SIPA1L3: variants seen among roughly 807,000 people sequenced by gnomAD.
SIPA1L3 encodes the protein signal-induced proliferation-associated 1-like protein 3.
In SIPA1L3, 59 loss-of-function variants were observed where a neutral mutation model predicts 150.1. The ratio of observed to expected loss-of-function variants is 0.39; its 90% CI spans 0.32 to 0.49. The LOEUF is 0.49. Among genes scored for constraint, SIPA1L3 ranks in the 20% least tolerant of loss-of-function variants. The probability of loss-of-function intolerance (pLI) is 0.86; values close to 1 mark genes in which losing one functional copy is unlikely to be tolerated. For missense variants in SIPA1L3, 2,211 were observed against 2,489.5 expected (o/e 0.89, Z 2.38); for synonymous variants, 1,070 against 1,077.6 (o/e 0.99, Z 0.14).
At chr19:37,947,627 C>T (rs2046724666) in intron 1 of SIPA1L3, among the ~76,000 whole-genome samples, 1 of 152,124 alleles carries the variant, frequency 6.6e-6, no homozygotes, top group Admixed American at 6.6e-5. Flanking sequence ...GTCAAGTTTA[C>T]CTTTCTAGTC....
intron 1 of SIPA1L3, among the ~76,000 whole-genome samples, chr19:37,955,612 T>C (rs2046803544): frequency 6.6e-6 from 1 of 152,186 alleles, no homozygotes; most frequent in African/African-American, 2.4e-5. Flanking sequence ...TTCAAATACA[T>C]GCAGTCATAC....
chr19:37,909,366 C>T (rs1313905330), intron 1 of SIPA1L3, among the ~76,000 whole-genome samples: 5 of 151,922 alleles, frequency 3.3e-5, no homozygotes, highest in South Asian at 2.1e-4. Context: ...CGCCACCACA[C>T]GTGGTTAGTT....
chr19:38,177,530 CA>C (rs944152954), intron 15 of SIPA1L3, among the ~76,000 whole-genome samples: 13 of 151,424 alleles, frequency 8.6e-5, no homozygotes, highest in Admixed American at 2.0e-4. Flanking sequence ...GAAAAAAGGA[CA>C]AAAAAAAGTA....
chr19:38,153,016 G>A, intron 13 of SIPA1L3, 49 bp downstream of exon 13: 2 of 1,589,618 alleles, frequency 1.3e-6, no homozygotes, highest in Non-Finnish European at 1.7e-6. Context: ...TCACTCCGCA[G>A]GACCTCTTAC....
chr19:38,161,322 C>T lies in SIPA1L3; in HGVS notation c.3662-931C>T, dbSNP rs561180253. 5.2e-5 allele frequency among the ~76,000 whole-genome samples: 6 copies of T among 116,244 alleles called. No homozygotes were observed. The East Asian group carries it at 1.6e-3, about 30-fold the overall frequency. The allele number at this position is 116,244 out of a possible 152,430, so 76.3% of individuals were successfully genotyped here. On this transcript the variant is annotated intron_variant, in intron 13 of 21. Coordinates refer to ENST00000222345, the MANE Select transcript of SIPA1L3 (RefSeq NM_015073.3). Reference sequence around the variant, plus strand: ...CACCACTGCGCTCTAGCCTGGGTGACAGAGCAAGACTCCGTCTCAAAAAAA... The same window carrying T: ...CACCACTGCGCTCTAGCCTGGGTGATAGAGCAAGACTCCGTCTCAAAAAAA...
intron 8 of SIPA1L3, among the ~76,000 whole-genome samples, chr19:38,118,034 T>G (rs1393251248): frequency 1.3e-5 from 2 of 152,182 alleles, no homozygotes; most frequent in Admixed American, 6.5e-5. Flanking sequence ...TGAACTTCCT[T>G]TATTAATTTT....
intron 2 of SIPA1L3, among the ~76,000 whole-genome samples, chr19:38,039,076 T>C (rs541394905): frequency 6.6e-6 from 1 of 152,146 alleles, no homozygotes; most frequent in East Asian, 1.9e-4. Flanking sequence ...AGAGACAAGC[T>C]TTCACCATGT....
Position 38,081,333 on chromosome 19 carries a change from C to T in SIPA1L3, c.-233C>T, listed in dbSNP as rs1969972679. The T allele has an allele frequency of 2.0e-6, 1 of 505,764 alleles. No homozygotes were observed. The allele number at this position is 505,764 out of a possible 1,614,324, so 31.3% of individuals were successfully genotyped here. ...CTGCCTGCTCTGCGCTACTGAGCCA[C>T]TCGGTCTGGAGCCCCCAGGACAGCA... On this transcript the variant is annotated 5_prime_UTR_variant, in exon 3 of 22. Transcript: ENST00000222345.
intron 19 of SIPA1L3, 34 bp downstream of exon 19, chr19:38,198,566 C>G (rs1170399471): frequency 6.8e-7 from 1 of 1,465,568 alleles, no homozygotes; most frequent in Admixed American, 2.5e-5. Context: ...GCCAGGCCCC[C>G]ACCCCGTCCT....
At chr19:38,076,331 G>C in intron 2 of SIPA1L3, among the ~76,000 whole-genome samples, 1 of 151,910 alleles carries the variant, frequency 6.6e-6, no homozygotes, top group Non-Finnish European at 1.5e-5. Context: ...CAAACACACT[G>C]CCAAGCCAAG....
intron 16 of SIPA1L3, chr19:38,185,559 C>G (rs1972659529): frequency 6.6e-6 from 1 of 152,010 alleles, no homozygotes; most frequent in Non-Finnish European, 1.5e-5. Flanking sequence ...AATGTATCAT[C>G]TCACAGTTGC....
Position 37,936,572 on chromosome 19 carries a change from G to A in SIPA1L3, c.-379+29214G>A, listed in dbSNP as rs145980822. ...TTACCTTGTGTAGAGGAACTGTTACGAATACTTTTCATAAGCCAACTCAGT... is the reference window on the plus strand; with the variant it reads ...TTACCTTGTGTAGAGGAACTGTTACAAATACTTTTCATAAGCCAACTCAGT... On this transcript the variant is annotated intron_variant, in intron 1 of 21. Transcript: ENST00000222345. 3.2e-4 allele frequency among the ~76,000 whole-genome samples: 48 copies of A among 152,298 alleles called. 1 individual carries two copies. The East Asian group carries it at 6.9e-3, about 22-fold the overall frequency.
At chr19:38,111,992 C>T (rs1970766754) in intron 8 of SIPA1L3, among the ~76,000 whole-genome samples, 1 of 149,116 alleles carries the variant, frequency 6.7e-6, no homozygotes, top group South Asian at 2.1e-4. Flanking sequence ...CACAGGCACA[C>T]ACCTGCACAC....
intron 7 of SIPA1L3, among the ~76,000 whole-genome samples, chr19:38,108,860 A>T (rs1040744428): frequency 6.6e-6 from 1 of 152,256 alleles, no homozygotes; most frequent in African/African-American, 2.4e-5. Flanking sequence ...GTGGTGGCGC[A>T]TGCCTGTAAT....
intron 2 of SIPA1L3, among the ~76,000 whole-genome samples, chr19:38,043,232 G>A (rs536395960): frequency 6.6e-6 from 1 of 152,126 alleles, no homozygotes; most frequent in South Asian, 2.1e-4. Flanking sequence ...CCCAGCTACT[G>A]GGGAGGCTGA....
chr19:38,122,261 C>T (rs932700154), intron 9 of SIPA1L3, among the ~76,000 whole-genome samples: 1 of 152,146 alleles, frequency 6.6e-6, no homozygotes, highest in African/African-American at 2.4e-5. Context: ...TCCTCCCCAC[C>T]CCTCTCAGAG....
intron 1 of SIPA1L3, among the ~76,000 whole-genome samples, chr19:38,010,819 G>C (rs1352166556): frequency 1.3e-5 from 2 of 152,182 alleles, no homozygotes; most frequent in Non-Finnish European, 2.9e-5. Flanking sequence ...AAGTGACTCT[G>C]AGCCTCATGT....
At chr19:38,060,748 A>G (rs771803852) in intron 2 of SIPA1L3, among the ~76,000 whole-genome samples, 1 of 152,132 alleles carries the variant, frequency 6.6e-6, no homozygotes, top group Non-Finnish European at 1.5e-5. Flanking sequence ...CTGGAGTGCA[A>G]TGGCCTGATT....
intron 1 of SIPA1L3, among the ~76,000 whole-genome samples, chr19:37,981,942 A>C (rs1242866680): frequency 7.9e-5 from 12 of 152,160 alleles, no homozygotes; most frequent in East Asian, 3.8e-4. Flanking sequence ...TCACCACCAC[A>C]GCTGTGTGCA....
Sources: gnomAD v4.1 joint callset for allele counts (sites outside exome capture counted in the v4.1 genomes callset) on GRCh38, gnomAD v4.1.1 for gene constraint, MANE v1.5 for transcripts, NCBI Gene and HGNC (gene_info 2026-07-23, HGNC 2026-07-21) for gene names.